The following MTCL2 variants were observed in gnomAD, a reference collection of about 807,000 sequenced individuals.
MTCL2 encodes the protein microtubule cross-linking factor 2.
At chr20:36,793,680 G>T in the MTCL2 span, 7 of 1,549,538 alleles carry the variant, frequency 4.5e-6, no homozygotes, top group Non-Finnish European at 6.1e-6. This position sits in a 1 kb window ranked among gnomAD's most constrained non-coding sequence, Gnocchi z 6.8. Flanking sequence ...GAGCCGTTCT[G>T]CTTGCCCTGG....
chr20:36,804,683 A>T, the MTCL2 span: 1 of 1,595,678 alleles, frequency 6.3e-7, no homozygotes, highest in Non-Finnish European at 8.6e-7. Context: ...TCTGACAGCT[A>T]AAGGCTTGGC....
chr20:36,828,744 TCA>T, the MTCL2 span: 1 of 302,254 alleles, frequency 3.3e-6, no homozygotes, highest in Admixed American at 4.9e-5. Context: ...GCATGTTTTC[TCA>T]GTTAATCCTC....
chr20:36,822,184 G>A, the MTCL2 span, among the ~76,000 whole-genome samples: 1 of 152,260 alleles, frequency 6.6e-6, no homozygotes, highest in African/African-American at 2.4e-5. Context: ...AGCTGGCCAG[G>A]TGGCTGGGGG....
chr20:36,841,180 AAAAT>A, the MTCL2 span, among the ~76,000 whole-genome samples: 6 of 149,146 alleles, frequency 4.0e-5, no homozygotes, highest in African/African-American at 1.5e-4. Context: ...AAAAAAAAAA[AAAAT>A]GAGCCCAGCG....
chr20:36,860,765 T>C, the MTCL2 span, among the ~76,000 whole-genome samples: 1 of 152,190 alleles, frequency 6.6e-6, no homozygotes, highest in Non-Finnish European at 1.5e-5. Context: ...TTTAAGTAAC[T>C]TGCCAAAGAT....
At chr20:36,844,737 A>G in the MTCL2 span, among the ~76,000 whole-genome samples, 5 of 136,454 alleles carry the variant, frequency 3.7e-5, no homozygotes, top group Non-Finnish European at 6.4e-5. Flanking sequence ...TAGAGAAAAC[A>G]GGCCAGGTGC....
chr20:36,854,955 C>T, the MTCL2 span, among the ~76,000 whole-genome samples: 137 of 152,264 alleles, frequency 9.0e-4, no homozygotes, highest in Non-Finnish European at 1.6e-3. Context: ...CAGGGATATA[C>T]GTTTGGGGGT....
the MTCL2 span, among the ~76,000 whole-genome samples, chr20:36,802,050 C>T: frequency 2.6e-5 from 4 of 152,100 alleles, no homozygotes; most frequent in African/African-American, 9.7e-5. Context: ...CTTTGGGAGG[C>T]TGAGGCGGGA....
the MTCL2 span, among the ~76,000 whole-genome samples, chr20:36,847,351 G>GACTCTGATTCAAACCCCAC: frequency 8.5e-5 from 13 of 152,214 alleles, no homozygotes; most frequent in Non-Finnish European, 4.4e-5. Flanking sequence ...TTCCTTCCCA[G>GACTCTGATTCAAACCCCAC]ACTCTGATTC....
the MTCL2 span, among the ~76,000 whole-genome samples, chr20:36,855,443 A>G: frequency 6.6e-6 from 1 of 152,172 alleles, no homozygotes; most frequent in African/African-American, 2.4e-5. Context: ...AAGCAGGTAG[A>G]TGCAGTGCTG....
chr20:36,804,239 G>A, the MTCL2 span, among the ~76,000 whole-genome samples: 2 of 152,130 alleles, frequency 1.3e-5, no homozygotes. Flanking sequence ...CTCTCTGAGT[G>A]GGAAGAAGCC....
At chr20:36,856,887 G>A in the MTCL2 span, among the ~76,000 whole-genome samples, 4 of 152,184 alleles carry the variant, frequency 2.6e-5, no homozygotes, top group African/African-American at 9.7e-5. Context: ...CGTGTGTCTA[G>A]GTTCCCTGGT....
At chr20:36,794,084 T>C in the MTCL2 span, 1 of 1,551,346 alleles carries the variant, frequency 6.4e-7, no homozygotes, top group Non-Finnish European at 8.7e-7. This position sits in a 1 kb window ranked among gnomAD's most constrained non-coding sequence, Gnocchi z 5.4. Context: ...CTCAAAGTCA[T>C]GCAGGGCCGC....
chr20:36,850,619 C>T, the MTCL2 span, among the ~76,000 whole-genome samples: 1 of 152,176 alleles, frequency 6.6e-6, no homozygotes, highest in South Asian at 2.1e-4. Flanking sequence ...TTAGTGAGTG[C>T]CTATGGTGGG....
the MTCL2 span, among the ~76,000 whole-genome samples, chr20:36,809,120 C>T: frequency 6.6e-6 from 1 of 152,180 alleles, no homozygotes; most frequent in African/African-American, 2.4e-5. Context: ...TTGAGGACAG[C>T]TGATGACTAG....
At chr20:36,802,920 C>CGCTCCACCAGCTGCAGCT in the MTCL2 span, 1 of 1,571,954 alleles carries the variant, frequency 6.4e-7, no homozygotes. Context: ...ACCCTGCAGC[C>CGCTCCACCAGCTGCAGCT]GCTCCACCAG....
chr20:36,810,713 T>TCTCC, the MTCL2 span, among the ~76,000 whole-genome samples: 2 of 132,728 alleles, frequency 1.5e-5, no homozygotes, highest in African/African-American at 3.2e-5. Flanking sequence ...TCCTTCTCTC[T>TCTCC]CTCCCTCTCT....
chr20:36,786,533 T>TG, the MTCL2 span: 1 of 1,550,824 alleles, frequency 6.4e-7, no homozygotes. Flanking sequence ...AGCTGGACTC[T>TG]GAAGGGTGCA....
the MTCL2 span, among the ~76,000 whole-genome samples, chr20:36,807,298 G>GCTC: frequency 6.6e-6 from 1 of 152,148 alleles, no homozygotes; most frequent in African/African-American, 2.4e-5. Context: ...GGGCATCTGG[G>GCTC]CTCCTCTGGA....
Sources: allele counts gnomAD v4.1 joint callset (sites outside exome capture counted in the v4.1 genomes callset), GRCh38; gene constraint gnomAD v4.1.1; non-coding constraint Gnocchi (gnomAD v3.1); transcripts MANE v1.5; gene names NCBI Gene and HGNC (gene_info 2026-07-23, HGNC 2026-07-21).